Variants in WDPCP observed in about 807,000 individuals in gnomAD.
WDPCP encodes the protein WD repeat containing planar cell polarity effector.
In WDPCP, 71 loss-of-function variants were observed where a neutral mutation model predicts 93.1. The observed-to-expected ratio is 0.76, with a 90% CI of 0.63 to 0.93. The LOEUF (loss-of-function observed/expected upper bound fraction) is 0.93. WDPCP is among the 40% of genes least tolerant of loss of function. The pLI, the probability that WDPCP is intolerant of heterozygous loss-of-function variation, is 0.00. For missense variants in WDPCP, 844 were observed against 887.4 expected (o/e 0.95, Z 0.62); for synonymous variants, 315 against 315.0 (o/e 1.00, Z 0.00).
intron 9 of WDPCP, among the ~76,000 whole-genome samples, chr2:63,426,311 C>T (rs1390787618): frequency 6.6e-6 from 1 of 151,818 alleles, no homozygotes; most frequent in Non-Finnish European, 1.5e-5. Context: ...CACTGCACTC[C>T]AGCCTAGGTG....
intron 3 of WDPCP, among the ~76,000 whole-genome samples, chr2:63,637,058 C>G (rs1483406180): frequency 6.6e-6 from 1 of 151,998 alleles, no homozygotes; most frequent in Non-Finnish European, 1.5e-5. Context: ...AAAGCAAAAA[C>G]AAACAAGAGT....
At chr2:63,218,865 A>G (rs894333354) in intron 14 of WDPCP, among the ~76,000 whole-genome samples, 1 of 152,270 alleles carries the variant, frequency 6.6e-6, no homozygotes, top group African/African-American at 2.4e-5. Context: ...TTCTTTTTAG[A>G]TACTAAAAAT....
chr2:63,704,571 T>C (rs1321375604), intron 2 of WDPCP, among the ~76,000 whole-genome samples: 1 of 152,222 alleles, frequency 6.6e-6, no homozygotes, highest in Non-Finnish European at 1.5e-5. Flanking sequence ...GGTTTTTGTC[T>C]TTGGTTCTGT....
chr2:63,335,280 A>G (rs1423429050), intron 12 of WDPCP, among the ~76,000 whole-genome samples: 1 of 152,086 alleles, frequency 6.6e-6, no homozygotes, highest in Non-Finnish European at 1.5e-5. Flanking sequence ...CATGGACCAC[A>G]ATTTTTCCTG....
At chr2:63,757,156 G>C (rs192900235) in intron 2 of WDPCP, among the ~76,000 whole-genome samples, 85 of 152,264 alleles carry the variant, frequency 5.6e-4, no homozygotes, top group African/African-American at 1.9e-3. Context: ...AGAAGAAAAT[G>C]AAAAAGGACA....
intron 3 of WDPCP, among the ~76,000 whole-genome samples, chr2:63,614,732 C>A (rs1709654988): frequency 1.3e-5 from 2 of 152,184 alleles, no homozygotes; most frequent in African/African-American, 2.4e-5. Context: ...ACTTGAAGAA[C>A]CTCATTCCAT....
intron 13 of WDPCP, among the ~76,000 whole-genome samples, chr2:63,285,376 G>A (rs1683912536): frequency 6.6e-6 from 1 of 151,058 alleles, no homozygotes; most frequent in Non-Finnish European, 1.5e-5. Flanking sequence ...GGAGCTTGCA[G>A]TGAGCTGAGA....
At chr2:63,775,291 T>C (rs1670285376) in intron 2 of WDPCP, among the ~76,000 whole-genome samples, 1 of 152,218 alleles carries the variant, frequency 6.6e-6, no homozygotes, top group African/African-American at 2.4e-5. Context: ...CTTCATTGTA[T>C]TGGCTCTCTG....
chr2:63,761,534 A>C (rs1670054863), intron 2 of WDPCP, among the ~76,000 whole-genome samples: 1 of 152,122 alleles, frequency 6.6e-6, no homozygotes, highest in South Asian at 2.1e-4. Flanking sequence ...ACAATAGGCC[A>C]TCTGCAGGCT....
chr2:63,323,715 C>T (rs1035430112), intron 12 of WDPCP, among the ~76,000 whole-genome samples: 19 of 152,076 alleles, frequency 1.2e-4, no homozygotes, highest in Non-Finnish European at 1.3e-4. Flanking sequence ...CCACTAAATC[C>T]GATTTTTCTC....
chr2:63,819,190 A>G (rs752097014), intron 1 of WDPCP, among the ~76,000 whole-genome samples: 19 of 152,190 alleles, frequency 1.2e-4, no homozygotes, highest in Non-Finnish European at 2.6e-4. Context: ...ATTTATTAGT[A>G]GTGTGACCTT....
intron 14 of WDPCP, among the ~76,000 whole-genome samples, chr2:63,251,485 CCTT>C (rs1220799857): frequency 2.7e-5 from 4 of 146,068 alleles, no homozygotes; most frequent in African/African-American, 1.0e-4. Context: ...AAAAAGCCTA[CCTT>C]TTTTTTTTTT....
intron 15 of WDPCP, among the ~76,000 whole-genome samples, chr2:63,168,107 CAAA>C (rs957507138): frequency 5.6e-5 from 3 of 53,538 alleles, no homozygotes; most frequent in African/African-American, 1.8e-4. Context: ...GAGACCCTGC[CAAA>C]AAAAAAAAAA....
intron 12 of WDPCP, among the ~76,000 whole-genome samples, chr2:63,350,976 TTTA>T (rs3048702): frequency 8.1e-5 from 12 of 147,894 alleles, no homozygotes; most frequent in East Asian, 2.0e-4. Context: ...TCAACATTTA[TTTA>T]TTATTATTAT....
rs537041599 is a variant in WDPCP, at chr2:63,213,750, C to T, written c.1916-38918G>A. 8.8e-4 allele frequency among the ~76,000 whole-genome samples: 133 copies of T among 151,500 alleles called. 1 individual carries two copies. Among genetic ancestry groups the T allele is most frequent in the African/African-American group, 2.9e-3 (119 of 41,370 alleles). On this transcript the variant is annotated intron_variant, in intron 14 of 17. Coordinates refer to ENST00000272321, the MANE Select transcript of WDPCP (RefSeq NM_015910.7). ...AGCAAGACTAATAAAGAAGAAAAGA[C>T]GAAGAATTAAATAGACACAACAAAA...
chr2:63,815,613 C>T (rs1374557274), intron 1 of WDPCP, among the ~76,000 whole-genome samples: 2 of 152,168 alleles, frequency 1.3e-5, no homozygotes, highest in Non-Finnish European at 2.9e-5. Context: ...CTCTTAAATA[C>T]AGCTGGAGAG....
chr2:63,485,062 G>A lies in WDPCP; in HGVS notation c.254-75C>T. 16 of 1,527,084 alleles carry A rather than the reference G, an allele frequency of 1.0e-5. No homozygotes were observed. In the South Asian group the frequency reaches 1.6e-4, roughly 15 times the overall value. The allele number at this position is 1,527,084 out of a possible 1,614,324, so 94.6% of individuals were successfully genotyped here. A position where few individuals can be genotyped will look rare whatever the true frequency, so the allele number is the denominator to read the frequency against. ...AAATTCTGCTTAGCAGTGTGCCTTA[G>A]GGAGATTAAAATAAAACACCTCTAT... On this transcript the variant is annotated intron_variant, in intron 4 of 17. Transcript: ENST00000272321.
chr2:63,797,988 T>C (rs1329469045), intron 2 of WDPCP, among the ~76,000 whole-genome samples: 1 of 152,238 alleles, frequency 6.6e-6, no homozygotes, highest in Admixed American at 6.5e-5. Context: ...AGAAGACTTT[T>C]CAGTGGAAAC....
intron 13 of WDPCP, among the ~76,000 whole-genome samples, chr2:63,286,661 C>T (rs1161224581): frequency 6.6e-6 from 1 of 152,158 alleles, no homozygotes; most frequent in South Asian, 2.1e-4. Context: ...CACAGACACA[C>T]GTGACATGGA....
Sources: gnomAD v4.1 joint callset for allele counts (sites outside exome capture counted in the v4.1 genomes callset) on GRCh38, gnomAD v4.1.1 for gene constraint, MANE v1.5 for transcripts, NCBI Gene and HGNC (gene_info 2026-07-23, HGNC 2026-07-21) for gene names.